Variants in GTF2A1 observed in about 807,000 individuals in gnomAD.
GTF2A1 encodes the protein transcription initiation factor IIA subunit 1.
Under a neutral mutation model 54.1 loss-of-function variants are expected in GTF2A1, and 12 were observed. The ratio of observed to expected loss-of-function variants is 0.22; its 90% CI spans 0.14 to 0.36. The LOEUF (loss-of-function observed/expected upper bound fraction) is 0.36, where lower values mean the gene tolerates loss of function less well. Among genes scored for constraint, GTF2A1 ranks in the 10% least tolerant of loss-of-function variants. GTF2A1 has a pLI of 1.00. For missense variants in GTF2A1, 335 were observed against 442.2 expected (o/e 0.76, Z 2.17); for synonymous variants, 145 against 152.0 (o/e 0.95, Z 0.34).
intron 2 of GTF2A1, among the ~76,000 whole-genome samples, chr14:81,216,048 C>T (rs1035948): frequency 0.4 from 60,093 of 152,038 alleles, 14,052 homozygotes; most frequent in Middle Eastern, 0.55. Flanking sequence ...AAGAAAGCAA[C>T]AAAATTCTTC....
intron 7 of GTF2A1, among the ~76,000 whole-genome samples, chr14:81,189,103 G>C (rs760269613): frequency 6.6e-6 from 1 of 152,050 alleles, no homozygotes; most frequent in Non-Finnish European, 1.5e-5. Flanking sequence ...AATGAAAAAA[G>C]CTGTACCAGG....
At chr14:81,212,246 T>A (rs2140039773) in intron 2 of GTF2A1, among the ~76,000 whole-genome samples, 1 of 152,298 alleles carries the variant, frequency 6.6e-6, no homozygotes, top group African/African-American at 2.4e-5. Flanking sequence ...TACTTGACAT[T>A]TGGACATAGG....
intron 4 of GTF2A1, among the ~76,000 whole-genome samples, chr14:81,200,627 C>CAAA (rs199661503): frequency 1.2e-5 from 1 of 83,756 alleles, no homozygotes; most frequent in Non-Finnish European, 2.5e-5. Context: ...ACTCCATCTT[C>CAAA]AAAAAAAAAA....
intron 2 of GTF2A1, among the ~76,000 whole-genome samples, chr14:81,205,191 G>A (rs1893203150): frequency 6.6e-6 from 1 of 151,934 alleles, no homozygotes; most frequent in Admixed American, 6.6e-5. Context: ...GAACTCCTGG[G>A]CTCAAGCAAT....
chr14:81,189,528 G>A (rs994692843), intron 7 of GTF2A1, among the ~76,000 whole-genome samples: 32 of 152,052 alleles, frequency 2.1e-4, no homozygotes, highest in Admixed American at 1.6e-3. Flanking sequence ...AAAATTAGCC[G>A]GGCGAGGTGG....
intron 2 of GTF2A1, among the ~76,000 whole-genome samples, chr14:81,211,908 T>TATATATATATATATATATAA (rs987020246): frequency 7.2e-6 from 1 of 138,580 alleles, no homozygotes; most frequent in African/African-American, 2.7e-5. Flanking sequence ...TATATATATA[T>TATATATATATATATATATAA]AACTAGAGTA....
intron 1 of GTF2A1, among the ~76,000 whole-genome samples, chr14:81,219,902 A>G (rs541962291): frequency 1.3e-5 from 2 of 152,348 alleles, no homozygotes; most frequent in South Asian, 2.1e-4. Context: ...AGGAACTGAG[A>G]TAAGTGCTTT....
intron 5 of GTF2A1, 64 bp downstream of exon 5, chr14:81,197,345 C>A: frequency 1.3e-6 from 1 of 781,684 alleles, no homozygotes; most frequent in East Asian, 2.8e-5. Context: ...AAGACAAAAC[C>A]TAAGGGCTAG....
intron 4 of GTF2A1, among the ~76,000 whole-genome samples, chr14:81,199,435 C>T (rs1042474781): frequency 1.3e-5 from 2 of 152,144 alleles, no homozygotes; most frequent in Non-Finnish European, 2.9e-5. Flanking sequence ...TAGAAGTTCC[C>T]TGAAATAGCC....
chr14:81,189,653 AGAGC>A (rs1166943073), intron 7 of GTF2A1, among the ~76,000 whole-genome samples: 1 of 152,146 alleles, frequency 6.6e-6, no homozygotes, highest in Non-Finnish European at 1.5e-5. Context: ...CTTGGGTGAC[AGAGC>A]GAGACTCCAT....
rs184632153 is a variant in GTF2A1, at chr14:81,181,596, G to A, written c.1024-1266C>T. On this transcript the variant is annotated intron_variant, in intron 8 of 8. Coordinates refer to ENST00000553612, the MANE Select transcript of GTF2A1 (RefSeq NM_015859.4). ...GTCTCACTCTGTTATCCAGGCTGGA[G>A]TGCAATGGCACGATCTTGGCTCACT... Among the ~76,000 whole-genome samples, 3 of 152,136 alleles carry A rather than the reference G, an allele frequency of 2.0e-5. No individual in the cohort carries two copies. In the East Asian group the frequency reaches 5.8e-4, roughly 30 times the overall value.
rs1025223259 is a variant in GTF2A1 at position 81,179,120 on chromosome 14, T to G, written c.*1103A>C. ...GCCCACCCACCTCTTCCCCCCAAAT[T>G]TTCCCCTCAAATTACAAAGTTGATT... On this transcript the variant is annotated 3_prime_UTR_variant, in exon 9 of 9. Transcript: ENST00000553612. 1.3e-5 allele frequency: 2 copies of G among 152,126 alleles called. No homozygotes were observed. The highest frequency in any genetic ancestry group is 2.9e-5 in the Non-Finnish European group (2 of 68,016). The allele number at this position is 152,126 out of a possible 1,614,324, so 9.4% of individuals were successfully genotyped here. A position where few individuals can be genotyped will look rare whatever the true frequency, so the allele number is the denominator to read the frequency against.
chr14:81,190,246 A>G (rs1301670370), intron 7 of GTF2A1, among the ~76,000 whole-genome samples: 1 of 152,078 alleles, frequency 6.6e-6, no homozygotes, highest in Non-Finnish European at 1.5e-5. Flanking sequence ...AAATATCAAC[A>G]GAAGAATTAA....
rs1325190537 is a variant in GTF2A1 at position 81,203,851 on chromosome 14, G to A, written c.337+49C>T. On this transcript the variant is annotated intron_variant, in intron 3 of 8. Coordinates refer to ENST00000553612, the MANE Select transcript of GTF2A1 (RefSeq NM_015859.4). ...CAGAATATTTCTCTTCTTTCATAATGACAAACTTAATTTCCAAGTCATAAG... is the reference window on the plus strand; with the variant it reads ...CAGAATATTTCTCTTCTTTCATAATAACAAACTTAATTTCCAAGTCATAAG... 4 of 1,450,536 alleles carry A rather than the reference G, an allele frequency of 2.8e-6. No homozygotes were observed. In the South Asian group the frequency reaches 4.6e-5, roughly 17 times the overall value. 89.9% of individuals were successfully genotyped at this position (1,450,536 alleles called of 1,614,324 possible). A position where few individuals can be genotyped will look rare whatever the true frequency, so the allele number is the denominator to read the frequency against.
At chr14:81,188,383 G>C (rs1892794809) in intron 7 of GTF2A1, among the ~76,000 whole-genome samples, 2 of 152,008 alleles carry the variant, frequency 1.3e-5, no homozygotes, top group African/African-American at 4.8e-5. Flanking sequence ...GTGAGATTCT[G>C]TCTCAAACAA....
At chr14:81,196,064 A>G (rs749328373) in intron 6 of GTF2A1, 44 bp downstream of exon 6, 1 of 1,579,756 alleles carries the variant, frequency 6.3e-7, no homozygotes, top group Admixed American at 1.7e-5. Context: ...TACATACAGA[A>G]TAAAACAGAA....
Position 81,179,914 on chromosome 14 carries a change from G to A in GTF2A1, c.*309C>T, listed in dbSNP as rs1892603877. ...CTGATTGAACCCAAGTTGGAGGAAG[G>A]AATATAGACAAAGCTTTACATGCTA... On this transcript the variant is annotated 3_prime_UTR_variant, in exon 9 of 9. Transcript: ENST00000553612. 5.5e-6 allele frequency: 1 copy of A among 180,880 alleles called. No homozygotes were observed. Among genetic ancestry groups the A allele is most frequent in the African/African-American group, 2.3e-5 (1 of 42,720 alleles). 11.2% of individuals were successfully genotyped at this position (180,880 alleles called of 1,614,324 possible). A position where few individuals can be genotyped will look rare whatever the true frequency, so the allele number is the denominator to read the frequency against.
chr14:81,212,408 G>A (rs1428887630), intron 2 of GTF2A1, among the ~76,000 whole-genome samples: 1 of 152,076 alleles, frequency 6.6e-6, no homozygotes, highest in Non-Finnish European at 1.5e-5. Flanking sequence ...ATTTTATTGT[G>A]TTTTTTCTAC....
chr14:81,199,254 T>A (rs1893054406), intron 4 of GTF2A1, among the ~76,000 whole-genome samples: 1 of 152,170 alleles, frequency 6.6e-6, no homozygotes, highest in Non-Finnish European at 1.5e-5. Flanking sequence ...CTGCACACCC[T>A]CCACAAATTC....
Sources: gnomAD v4.1 joint callset for allele counts (sites outside exome capture counted in the v4.1 genomes callset) on GRCh38, gnomAD v4.1.1 for gene constraint, MANE v1.5 for transcripts, NCBI Gene and HGNC (gene_info 2026-07-23, HGNC 2026-07-21) for gene names.